Variants in HFM1 observed in about 807,000 individuals in gnomAD.
The protein encoded by HFM1 is helicase for meiosis 1, also known as probable ATP-dependent DNA helicase HFM1.
In HFM1, 169 loss-of-function variants were observed where a neutral mutation model predicts 192.1. The ratio of observed to expected loss-of-function variants is 0.88; its 90% confidence interval spans 0.78 to 1.00. The LOEUF (loss-of-function observed/expected upper bound fraction) is 1.00. Among genes scored for constraint, HFM1 ranks in the 50% least tolerant of loss-of-function variants. The probability of loss-of-function intolerance (pLI) is 0.00; values close to 1 mark genes in which losing one functional copy is unlikely to be tolerated. For missense variants in HFM1, 1,661 were observed against 1,668.0 expected (o/e 1.00, Z 0.07); for synonymous variants, 525 against 537.8 (o/e 0.98, Z 0.33).
In HFM1 at chr1:91,350,926, C is replaced by T. The variant is rs1397530666; in HGVS notation, c.2073-55G>A. 5 of 1,397,080 alleles carry T rather than the reference C, an allele frequency of 3.6e-6. No individual in the cohort carries two copies. The African/African-American group carries it at 5.8e-5, about 16-fold the overall frequency. The allele number at this position is 1,397,080 out of a possible 1,614,324, so 86.5% of individuals were successfully genotyped here. On this transcript the variant is annotated intron_variant, in intron 17 of 38. Transcript: ENST00000370425. ...ATGCAGTTCAATGCCATAACTCTTA[C>T]TTTTTAACTTTAATAATATAGAATA...
At chr1:91,364,015 C>T (rs1658894581) in intron 13 of HFM1, among the ~76,000 whole-genome samples, 1 of 151,820 alleles carries the variant, frequency 6.6e-6, no homozygotes, top group Non-Finnish European at 1.5e-5. Context: ...GAGGGGAACA[C>T]ATTGGGACCT....
chr1:91,369,562 T>G (rs1274750135), intron 13 of HFM1, among the ~76,000 whole-genome samples: 1 of 152,010 alleles, frequency 6.6e-6, no homozygotes, highest in African/African-American at 2.4e-5. Context: ...AAAGACACAA[T>G]GTAACAATCT....
intron 20 of HFM1, among the ~76,000 whole-genome samples, chr1:91,343,120 A>G (rs1009506970): frequency 1.3e-5 from 2 of 148,748 alleles, no homozygotes; most frequent in African/African-American, 5.0e-5. Flanking sequence ...AGTCCCAGCT[A>G]CTCGGGAGGC....
Position 91,328,470 on chromosome 1 carries a change from G to A in HFM1, c.2336-3704C>T, listed in dbSNP as rs1157282929. On this transcript the variant is annotated intron_variant, in intron 20 of 38. Coordinates refer to ENST00000370425, the MANE Select transcript of HFM1 (RefSeq NM_001017975.6). ...ACATCAAGAGCTACTTTGGCCGTAAGGTGGCCATTGATGCCTCTATGAGCA... is the reference window on the plus strand; with the variant it reads ...ACATCAAGAGCTACTTTGGCCGTAAAGTGGCCATTGATGCCTCTATGAGCA... 5.6e-6 allele frequency: 9 copies of A among 1,613,448 alleles called. No homozygotes were observed. The Admixed American group carries it at 1.0e-4, about 18-fold the overall frequency.
chr1:91,337,426 C>T (rs1654747715), intron 20 of HFM1, among the ~76,000 whole-genome samples: 1 of 151,948 alleles, frequency 6.6e-6, no homozygotes, highest in Non-Finnish European at 1.5e-5. Context: ...AAAAAATAAA[C>T]TCAAAGAGAC....
intron 20 of HFM1, among the ~76,000 whole-genome samples, chr1:91,341,156 A>G (rs1270932002): frequency 6.6e-6 from 1 of 152,210 alleles, no homozygotes; most frequent in Non-Finnish European, 1.5e-5. Flanking sequence ...TCATCTGCAC[A>G]TGTAACATAC....
At position 91,385,245 on chromosome 1, in the gene HFM1, A is replaced by T; in HGVS notation, c.755-11T>A. The T allele has an allele frequency of 6.7e-7, 1 of 1,489,740 alleles. No homozygotes were observed. The highest frequency in any genetic ancestry group is 9.3e-7 in the Non-Finnish European group (1 of 1,075,822). 92.3% of individuals were successfully genotyped at this position (1,489,740 alleles called of 1,614,324 possible). A position where few individuals can be genotyped will look rare whatever the true frequency, so the allele number is the denominator to read the frequency against. On this transcript the variant is annotated splice_polypyrimidine_tract_variant and intron_variant, in intron 5 of 38. Coordinates refer to ENST00000370425, the MANE Select transcript of HFM1 (RefSeq NM_001017975.6). ...CATTTTCTGTTACCTCTGAAAAAAA[A>T]ATGCTACATATTTATATAAATATCA...
intron 23 of HFM1, among the ~76,000 whole-genome samples, chr1:91,320,511 CACAAA>C: frequency 6.6e-6 from 1 of 152,036 alleles, no homozygotes; most frequent in Admixed American, 6.6e-5. Context: ...CCTAGAGATG[CACAAA>C]TGTGGAGTAA....
At chr1:91,261,895 C>T (rs1362622607) in intron 38 of HFM1, among the ~76,000 whole-genome samples, 3 of 152,170 alleles carry the variant, frequency 2.0e-5, no homozygotes, top group African/African-American at 7.2e-5. Flanking sequence ...AACTAAAATA[C>T]AACTTCAACT....
chr1:91,365,923 C>T (rs1457664979), intron 13 of HFM1, among the ~76,000 whole-genome samples: 1 of 144,236 alleles, frequency 6.9e-6, no homozygotes, highest in African/African-American at 2.6e-5. Context: ...GTAAAAGTAG[C>T]AGCACTGTAA....
intron 30 of HFM1, among the ~76,000 whole-genome samples, chr1:91,284,855 A>G (rs1299877515): frequency 2.0e-5 from 3 of 152,202 alleles, no homozygotes; most frequent in African/African-American, 7.2e-5. Flanking sequence ...ACTGCAGCTA[A>G]AAGAATGTTT....
At chr1:91,329,304 G>T in intron 20 of HFM1, 3 of 1,608,070 alleles carry the variant, frequency 1.9e-6, no homozygotes, top group Non-Finnish European at 2.5e-6. Context: ...GGTCAAGTTC[G>T]TGTGTGGTGA....
chr1:91,313,910 C>T (rs771056732), intron 29 of HFM1, 47 bp downstream of exon 29: 1 of 1,016,880 alleles, frequency 9.8e-7, no homozygotes, highest in African/African-American at 1.6e-5. Context: ...TTTTTAAATG[C>T]AATTATATTA....
chr1:91,353,535 A>G (rs1657254515), intron 13 of HFM1, among the ~76,000 whole-genome samples: 1 of 151,598 alleles, frequency 6.6e-6, no homozygotes, highest in African/African-American at 2.4e-5. Context: ...ACTTTCCCCA[A>G]GAAAACAACA....
At chr1:91,377,090 A>G (rs1365020210) in intron 11 of HFM1, among the ~76,000 whole-genome samples, 1 of 6,574 alleles carries the variant, frequency 1.5e-4, no homozygotes, top group African/African-American at 5.2e-4. Flanking sequence ...TAAAGGTGAA[A>G]TGCAGGTCAA....
intron 13 of HFM1, among the ~76,000 whole-genome samples, chr1:91,354,312 A>G (rs1451755984): frequency 6.6e-6 from 1 of 151,956 alleles, no homozygotes; most frequent in Non-Finnish European, 1.5e-5. Flanking sequence ...AAAAGAACAA[A>G]AAAGAGTGAA....
intron 11 of HFM1, 38 bp from the exon 12 acceptor site, chr1:91,375,765 CTAGTAAAGTTT>C (rs746625574): frequency 7.6e-6 from 12 of 1,579,304 alleles, no homozygotes; most frequent in Middle Eastern, 3.4e-4. Context: ...AAATTTTCTT[CTAGTAAAGTTT>C]TATTGCTAAA....
At chr1:91,378,321 T>A in intron 10 of HFM1, 82 bp downstream of exon 10, 1 of 1,298,354 alleles carries the variant, frequency 7.7e-7, no homozygotes, top group Non-Finnish European at 1.1e-6. Flanking sequence ...AAACATATAG[T>A]TTGGTTGCAA....
At chr1:91,291,310 C>T (rs1668723093) in intron 30 of HFM1, among the ~76,000 whole-genome samples, 1 of 151,858 alleles carries the variant, frequency 6.6e-6, no homozygotes, top group Non-Finnish European at 1.5e-5. Context: ...GCTAGCAAGA[C>T]TAATAAAGAA....
Sources: allele counts gnomAD v4.1 joint callset (sites outside exome capture counted in the v4.1 genomes callset), GRCh38; gene constraint gnomAD v4.1.1; transcripts MANE v1.5; gene names NCBI Gene and HGNC (gene_info 2026-07-23, HGNC 2026-07-21).